Variants in ENTPD1 observed in about 807,000 individuals in gnomAD.
The protein encoded by ENTPD1 is ectonucleoside triphosphate diphosphohydrolase 1.
ENTPD1 carries 33 observed loss-of-function variants against 57.0 expected under a neutral mutation model. The observed-to-expected ratio is 0.58, with a 90% CI of 0.44 to 0.77. The LOEUF (loss-of-function observed/expected upper bound fraction) is 0.77. ENTPD1 is among the 30% of genes least tolerant of loss of function. The pLI, the probability that ENTPD1 is intolerant of heterozygous loss-of-function variation, is 0.00. For synonymous variants in ENTPD1, 202 were observed against 218.8 expected, an observed-to-expected ratio of 0.92 and a Z score of 0.68; for missense variants, 501 against 603.4, an observed-to-expected ratio of 0.83 and a Z score of 1.78.
At chr10:95,739,766 C>T (rs1323519692) in intron 1 of ENTPD1, among the ~76,000 whole-genome samples, 1 of 152,154 alleles carries the variant, frequency 6.6e-6, no homozygotes, top group Non-Finnish European at 1.5e-5. Context: ...TGAATCCTTT[C>T]CAGAAAATTT....
At chr10:95,759,945 G>A (rs1345322844) in intron 1 of ENTPD1, among the ~76,000 whole-genome samples, 1 of 152,178 alleles carries the variant, frequency 6.6e-6, no homozygotes, top group Non-Finnish European at 1.5e-5. Context: ...AGGCTGCAAA[G>A]TCTGGGATCC....
At chr10:95,851,832 A>T (rs1245414359) in intron 7 of ENTPD1, among the ~76,000 whole-genome samples, 1 of 152,014 alleles carries the variant, frequency 6.6e-6, no homozygotes, top group Non-Finnish European at 1.5e-5. Context: ...TCTATCATTG[A>T]TTGACATTTG....
Position 95,813,382 on chromosome 10 carries a change from T to C in ENTPD1, c.17-9855T>C, listed in dbSNP as rs75019042. ...TGGTGGTGACCTTAGGTGGAGTTTT[T>C]GGCCCTCTGACATCAAAACATGAAG... On this transcript the variant is annotated intron_variant, in intron 1 of 9. Transcript: ENST00000371205. Among the ~76,000 whole-genome samples, 246 of 152,314 alleles carry C rather than the reference T, an allele frequency of 1.6e-3. 4 individuals are homozygous for C. The East Asian group carries it at 0.039, about 24-fold the overall frequency.
At chr10:95,759,540 CACT>C (rs1167883729) in intron 1 of ENTPD1, among the ~76,000 whole-genome samples, 23 of 152,330 alleles carry the variant, frequency 1.5e-4, no homozygotes, top group Admixed American at 2.6e-4. Flanking sequence ...TAAAAACAAA[CACT>C]ACAGAAGTTG....
chr10:95,761,934 G>T (rs1024388723), intron 1 of ENTPD1, among the ~76,000 whole-genome samples: 23 of 152,206 alleles, frequency 1.5e-4, no homozygotes, highest in Non-Finnish European at 1.2e-4. Flanking sequence ...CAGAAGAAAG[G>T]TGGGAATAAT....
chr10:95,777,993 T>A (rs2140156510), intron 1 of ENTPD1, among the ~76,000 whole-genome samples: 1 of 152,306 alleles, frequency 6.6e-6, no homozygotes, highest in East Asian at 1.9e-4. Flanking sequence ...TTGCTGAAAC[T>A]GTTGGAAAAG....
chr10:95,707,019 C>T (rs564169089), upstream of ENTPD1, among the ~76,000 whole-genome samples: 10 of 152,254 alleles, frequency 6.6e-5, no homozygotes, highest in East Asian at 1.9e-4. Context: ...CCTGGGCACC[C>T]GAGGGTGCAG....
At chr10:95,746,561 A>T (rs2098006307) in intron 1 of ENTPD1, among the ~76,000 whole-genome samples, 1 of 152,146 alleles carries the variant, frequency 6.6e-6, no homozygotes, top group African/African-American at 2.4e-5. Flanking sequence ...GGGCCAAGTG[A>T]TTATAGTGTG....
chr10:95,715,608 C>T (rs1381711514), intron 1 of ENTPD1, among the ~76,000 whole-genome samples: 1 of 151,700 alleles, frequency 6.6e-6, no homozygotes, highest in Non-Finnish European at 1.5e-5. Flanking sequence ...TGTCTTATTT[C>T]TTCTTTTTCC....
chr10:95,869,241 C>CTTTTTTTTTTTTTTTTTTTT lies in ENTPD1; in HGVS notation c.*2865_*2884dup, dbSNP rs11312564. ...GAAAAAAGATCAGCAGAAGTCATTA[C>CTTTTTTTTTTTTTTTTTTTT]TTTTTTTTTTTTTTTTTTTTTTTTT... On this transcript the variant is annotated 3_prime_UTR_variant, in exon 10 of 10. Transcript: ENST00000371205. The CTTTTTTTTTTTTTTTTTTTT allele has an allele frequency of 6.4e-6, 4 of 629,798 alleles. 1 individual carries two copies. Among genetic ancestry groups the CTTTTTTTTTTTTTTTTTTTT allele is most frequent in the Non-Finnish European group, 7.4e-6 (4 of 542,294 alleles). The allele number at this position is 629,798 out of a possible 1,614,324, so 39.0% of individuals were successfully genotyped here.
At chr10:95,855,811 T>G (rs981474209) in intron 7 of ENTPD1, among the ~76,000 whole-genome samples, 1 of 152,258 alleles carries the variant, frequency 6.6e-6, no homozygotes, top group South Asian at 2.1e-4. Flanking sequence ...GGTCTGCTGT[T>G]AGTCTGATGG....
intron 1 of ENTPD1, among the ~76,000 whole-genome samples, chr10:95,774,873 C>T (rs2098128050): frequency 6.6e-6 from 1 of 152,178 alleles, no homozygotes; most frequent in Non-Finnish European, 1.5e-5. Flanking sequence ...TGAAGAAAGT[C>T]ATTGGTAGCT....
At chr10:95,710,017 A>AC (rs959336295), upstream of ENTPD1, among the ~76,000 whole-genome samples, 11 of 150,214 alleles carry the variant, frequency 7.3e-5, no homozygotes, top group African/African-American at 1.5e-4. Flanking sequence ...TAGGTGATCC[A>AC]CCCCCCTCGG....
the ENTPD1 span, among the ~76,000 whole-genome samples, chr10:95,696,374 A>G: frequency 6.6e-6 from 1 of 152,260 alleles, no homozygotes; most frequent in Admixed American, 6.5e-5. Context: ...TCCACCTCCC[A>G]GGTTCAAGCA....
chr10:95,834,861 C>T (rs567580486), intron 2 of ENTPD1, among the ~76,000 whole-genome samples: 17 of 151,648 alleles, frequency 1.1e-4, no homozygotes, highest in African/African-American at 2.9e-4. Context: ...TCATGAAGAT[C>T]GGTTATGATC....
At chr10:95,840,307 G>A (rs930643345) in intron 3 of ENTPD1, among the ~76,000 whole-genome samples, 2 of 152,194 alleles carry the variant, frequency 1.3e-5, no homozygotes, top group African/African-American at 2.4e-5. Context: ...CACAGATGAT[G>A]GGTCCCATCC....
rs905135230 is a variant in ENTPD1, at chr10:95,741,986, G to A, written c.37+29993G>A. ...TCACCCCTGGCTGATCTCTGCAAAG[G>A]CGGAGGCGTTAACAGCAACATAGGA... On this transcript the variant is annotated intron_variant, in intron 1 of 9. Transcript: ENST00000453258. Among the ~76,000 whole-genome samples the A allele has an allele frequency of 7.9e-5, 12 of 152,138 alleles. 1 individual carries two copies. Among genetic ancestry groups the A allele is most frequent in the African/African-American group, 2.9e-4 (12 of 41,418 alleles).
intron 5 of ENTPD1, among the ~76,000 whole-genome samples, chr10:95,845,105 G>C (rs2098431941): frequency 6.6e-6 from 1 of 152,178 alleles, no homozygotes; most frequent in Non-Finnish European, 1.5e-5. Context: ...ATTTGAACTT[G>C]AATGTGTCTG....
intron 1 of ENTPD1, among the ~76,000 whole-genome samples, chr10:95,796,123 G>A (rs1280957762): frequency 3.9e-5 from 6 of 152,130 alleles, no homozygotes; most frequent in Non-Finnish European, 5.9e-5. Flanking sequence ...GATGGAAAAC[G>A]TTGTGTACTA....
Sources: allele counts gnomAD v4.1 joint callset (sites outside exome capture counted in the v4.1 genomes callset), GRCh38; gene constraint gnomAD v4.1.1; transcripts MANE v1.5; gene names NCBI Gene and HGNC (gene_info 2026-07-23, HGNC 2026-07-21).